The following ARHGAP29 variants were observed in gnomAD, a reference collection of about 807,000 sequenced individuals.
ARHGAP29 encodes the protein Rho GTPase activating protein 29, also known as rho GTPase-activating protein 29.
In ARHGAP29, 43 loss-of-function variants were observed where a neutral mutation model predicts 122.6. That is an observed-to-expected ratio of 0.35 (90% confidence interval 0.27 to 0.45). The LOEUF (loss-of-function observed/expected upper bound fraction) is 0.45. Among genes scored for constraint, ARHGAP29 ranks in the 20% least tolerant of loss-of-function variants. The probability of loss-of-function intolerance (pLI) is 1.00; values close to 1 mark genes in which losing one functional copy is unlikely to be tolerated. For synonymous variants in ARHGAP29, 506 were observed against 497.1 expected, an observed-to-expected ratio of 1.02 and a Z score of -0.24; for missense variants, 1,303 against 1,477.2, an observed-to-expected ratio of 0.88 and a Z score of 1.93.
chr1:94,289,945 A>G, the ARHGAP29 span, among the ~76,000 whole-genome samples: 1 of 152,134 alleles, frequency 6.6e-6, no homozygotes, highest in Non-Finnish European at 1.5e-5. Context: ...ATATTGGTCT[A>G]AAATTCTCTT....
chr1:94,233,755 A>T (rs1217088693), intron 1 of ARHGAP29, among the ~76,000 whole-genome samples: 1 of 152,178 alleles, frequency 6.6e-6, no homozygotes, highest in Non-Finnish European at 1.5e-5. Flanking sequence ...AATACATGTT[A>T]AGTGTATTAT....
rs553227922 is a variant in ARHGAP29, at chr1:94,264,292, A to T, written c.-33+10720T>A. ...TCCTCTCTGAGTCTTTCTGCATTAGATTCTGTGTTAATTCTCATCTCATCT... is the reference window on the plus strand; with the variant it reads ...TCCTCTCTGAGTCTTTCTGCATTAGTTTCTGTGTTAATTCTCATCTCATCT... On this transcript the variant is annotated intron_variant and NMD_transcript_variant, in intron 1 of 25. Transcript: ENST00000552844. 2.9e-4 allele frequency among the ~76,000 whole-genome samples: 44 copies of T among 152,090 alleles called. No individual in the cohort carries two copies. The South Asian group carries it at 8.9e-3, about 31-fold the overall frequency.
chr1:94,237,201 G>A (rs1653332239), intron 1 of ARHGAP29, among the ~76,000 whole-genome samples: 1 of 152,118 alleles, frequency 6.6e-6, no homozygotes, highest in African/African-American at 2.4e-5. Context: ...CTCCCTCGCC[G>A]GGCGCGCCCC....
chr1:94,266,297 C>T lies in ARHGAP29; in HGVS notation c.-33+8715G>A, dbSNP rs142689430. On this transcript the variant is annotated intron_variant and NMD_transcript_variant, in intron 1 of 25. Transcript: ENST00000552844. Reference sequence around the variant, plus strand: ...CTGCTCCTTCTATGGCATGCTTATTCCTTGGTTTCCTCCTGATTACAAAAA... The same window carrying T: ...CTGCTCCTTCTATGGCATGCTTATTTCTTGGTTTCCTCCTGATTACAAAAA... Among the ~76,000 whole-genome samples, 548 of 152,246 alleles carry T rather than the reference C, an allele frequency of 3.6e-3. 2 individuals are homozygous for T. Among genetic ancestry groups the T allele is most frequent in the Non-Finnish European group, 6.0e-3 (407 of 68,000 alleles).
rs1245147855 is a variant in ARHGAP29, at chr1:94,173,741, C to A, written c.*128G>T. ...TACCAACAGAGGATAAATACAACAA[C>A]AAAAGGCAAAACCCATGATTTGGCA... is the stretch of plus-strand genomic sequence containing the variant. On this transcript the variant is annotated 3_prime_UTR_variant, in exon 23 of 23. Coordinates refer to ENST00000260526, the MANE Select transcript of ARHGAP29 (RefSeq NM_004815.4). The A allele has an allele frequency of 1.5e-5, 18 of 1,203,722 alleles. No homozygotes were observed. The highest frequency in any genetic ancestry group is 2.0e-5 in the Non-Finnish European group (17 of 867,310). 74.6% of individuals were successfully genotyped at this position (1,203,722 alleles called of 1,614,324 possible).
chr1:94,220,448 C>T, intron 2 of ARHGAP29, 56 bp from the exon 3 acceptor site: 5 of 1,440,400 alleles, frequency 3.5e-6, no homozygotes, highest in Non-Finnish European at 3.7e-6. Context: ...CAAATCTAAA[C>T]TACAAAACGT....
chr1:94,284,076 G>A, the ARHGAP29 span, among the ~76,000 whole-genome samples: 1 of 71,738 alleles, frequency 1.4e-5, no homozygotes, highest in Non-Finnish European at 2.9e-5. Flanking sequence ...AAGTTGAAAG[G>A]CAGAAATGGG....
chr1:94,174,522 C>G lies in ARHGAP29; in HGVS notation c.3133G>C (p.Asp1045His), dbSNP rs747518741. Residue 1045 changes from aspartate (D) to histidine (H), a missense_variant, in exon 23 of 23, where the codon GAC becomes CAC. Physicochemically the swap from Asp to His is moderately conservative, Grantham distance 81. This residue lies in a region of ARHGAP29 where 620 missense variants were observed against 651.2 expected (regional missense o/e 0.95). Transcript: ENST00000260526. The stretch of plus-strand genomic sequence containing the variant: ...AAGGCAGGATTCTTGCAAAACTTGT[C>G]TAAATTTACATTTCCCATATTTCTG... ...NGRNMGNVNL[D>H]KFCKNPAFEG... is the part of the protein sequence containing the mutation. 2 of 1,614,070 alleles carry G rather than the reference C, an allele frequency of 1.2e-6. No homozygotes were observed. The highest frequency in any genetic ancestry group is 2.7e-5 in the African/African-American group (2 of 74,928).
chr1:94,189,891 T>G, intron 13 of ARHGAP29, 35 bp downstream of exon 13: 5 of 1,599,982 alleles, frequency 3.1e-6, no homozygotes, highest in Non-Finnish European at 4.3e-6. Context: ...GTGTTTTATA[T>G]TTTGAAATAA....
chr1:94,197,754 A>G (rs184775292), intron 12 of ARHGAP29, among the ~76,000 whole-genome samples: 4 of 152,350 alleles, frequency 2.6e-5, no homozygotes, highest in Admixed American at 2.6e-4. Flanking sequence ...ACAAAACCAC[A>G]TGTATCAAAT....
chr1:94,198,635 A>T (rs1485933318), intron 12 of ARHGAP29, among the ~76,000 whole-genome samples: 1 of 152,234 alleles, frequency 6.6e-6, no homozygotes, highest in East Asian at 1.9e-4. Flanking sequence ...AACTTATTAA[A>T]GGTATGTTGA....
chr1:94,307,002 C>G, the ARHGAP29 span, among the ~76,000 whole-genome samples: 2 of 152,148 alleles, frequency 1.3e-5, no homozygotes, highest in Admixed American at 1.3e-4. Flanking sequence ...AAAAGTTACA[C>G]CTCTCTTCAT....
intron 1 of ARHGAP29, among the ~76,000 whole-genome samples, chr1:94,269,282 G>T (rs1654901210): frequency 6.6e-6 from 1 of 152,112 alleles, no homozygotes; most frequent in Non-Finnish European, 1.5e-5. Context: ...GCTTATAGAC[G>T]ACGAAAGGAC....
At chr1:94,177,493 T>A (rs1199312225) in intron 22 of ARHGAP29, 119 bp downstream of exon 22, 4 of 654,094 alleles carry the variant, frequency 6.1e-6, no homozygotes, top group Non-Finnish European at 9.7e-6. Flanking sequence ...CAAGATTTGT[T>A]AACTAATAAA....
chr1:94,203,066 TAA>T (rs765114210), intron 9 of ARHGAP29, 32 bp downstream of exon 9: 1 of 1,595,300 alleles, frequency 6.3e-7, no homozygotes, highest in Non-Finnish European at 8.5e-7. Flanking sequence ...TGCTTAAAAA[TAA>T]AAGTGCATTA....
chr1:94,224,350 T>C (rs899204928), intron 2 of ARHGAP29, among the ~76,000 whole-genome samples: 1 of 152,176 alleles, frequency 6.6e-6, no homozygotes, highest in Non-Finnish European at 1.5e-5. Flanking sequence ...CAATAAAATC[T>C]TCAGGTATTA....
intron 1 of ARHGAP29, among the ~76,000 whole-genome samples, chr1:94,268,901 T>C (rs540560201): frequency 6.6e-6 from 1 of 152,232 alleles, no homozygotes; most frequent in East Asian, 1.9e-4. Flanking sequence ...ACTTTAGTAG[T>C]GACTATTTTT....
intron 1 of ARHGAP29, among the ~76,000 whole-genome samples, chr1:94,259,639 G>T (rs1029475569): frequency 3.3e-5 from 5 of 152,084 alleles, no homozygotes; most frequent in Non-Finnish European, 2.9e-5. Flanking sequence ...AAGGATTGCC[G>T]GCAACCATCA....
In ARHGAP29 at chr1:94,202,653, G is replaced by A. The variant is rs555923720; in HGVS notation, c.1034C>T (p.Ser345Phe). The A allele has an allele frequency of 1.2e-6, 2 of 1,614,114 alleles. No homozygotes were observed. The highest frequency in any genetic ancestry group is 1.1e-5 in the South Asian group (1 of 91,070). ...ATGCTCCTCTTCTGCACGAAACATG[G>A]AAGACTTTGCTTTCTCATATTCATC... ...RQDEYEKAKSSMFRAEEEHLS... is the reference protein window; with the variant it reads ...RQDEYEKAKSFMFRAEEEHLS... Residue 345 changes from serine (S) to phenylalanine (F), a missense_variant, in exon 11 of 23, where the codon TCC becomes TTC. This residue lies in a region of ARHGAP29 where 592 missense variants were observed against 648.2 expected (regional missense o/e 0.91). Transcript: ENST00000260526.
Sources: allele counts gnomAD v4.1 joint callset (sites outside exome capture counted in the v4.1 genomes callset), GRCh38; gene constraint gnomAD v4.1.1; regional missense constraint gnomAD v4.1.1; transcripts MANE v1.5; gene names NCBI Gene and HGNC (gene_info 2026-07-23, HGNC 2026-07-21).